Variants in LRRK2 observed in about 807,000 individuals in gnomAD.
LRRK2 encodes the protein leucine-rich repeat serine/threonine-protein kinase 2.
Under a neutral mutation model 302.6 loss-of-function variants are expected in LRRK2, and 203 were observed. That is an observed-to-expected ratio of 0.67 (90% CI 0.60 to 0.75). The LOEUF is 0.75. Among genes scored for constraint, LRRK2 ranks in the 30% least tolerant of loss-of-function variants. The probability of loss-of-function intolerance (pLI) is 0.00; values close to 1 mark genes in which losing one functional copy is unlikely to be tolerated. For missense variants in LRRK2, 2,830 were observed against 2,951.0 expected, an observed-to-expected ratio of 0.96 and a Z score of 0.95; for synonymous variants, 1,066 against 1,031.9, an observed-to-expected ratio of 1.03 and a Z score of -0.63.
intron 2 of LRRK2, 52 bp downstream of exon 2, chr12:40,225,692 A>G (rs1255740144): frequency 4.0e-6 from 6 of 1,486,170 alleles, no homozygotes; most frequent in East Asian, 4.6e-5. Context: ...TTGGAAGGAG[A>G]CGTTTTACTG....
chr12:40,258,024 T>A (rs1054952882), intron 12 of LRRK2, among the ~76,000 whole-genome samples: 1 of 152,148 alleles, frequency 6.6e-6, no homozygotes, highest in African/African-American at 2.4e-5. Flanking sequence ...CTAATTTTGT[T>A]CCTGGTTTTG....
At position 40,257,293 on chromosome 12, in the gene LRRK2, T is replaced by C; in HGVS notation, c.1334T>C (p.Val445Ala). 5.6e-6 allele frequency: 9 copies of C among 1,600,022 alleles called. No individual in the cohort carries two copies. The highest frequency in any genetic ancestry group is 7.7e-6 in the Non-Finnish European group (9 of 1,167,452). ...ILLSKGIHLN[V>A]LELMQKHIHS... ...TTATCAAAAGGAATACACCTGAATG[T>C]TTTGGAGTTAATGCAGAAGCATATA... The change falls in exon 12 of 51, where the codon GTT becomes GCT. Residue 445 changes from valine (V) to alanine (A), a missense_variant. Physicochemically the swap from Val to Ala is moderately conservative, Grantham distance 64. Around this residue, in one of 3 missense-constraint regions of LRRK2, gnomAD observed 2,121 missense variants for 2,148.0 expected, o/e 0.99. Transcript: ENST00000298910.
chr12:40,229,121 G>A (rs1941050447), intron 2 of LRRK2, among the ~76,000 whole-genome samples: 2 of 152,168 alleles, frequency 1.3e-5, no homozygotes, highest in Admixed American at 6.5e-5. Context: ...GATGTAGAAA[G>A]GGGTCTCCTA....
chr12:40,298,799 A>G (rs1166859998), intron 24 of LRRK2, among the ~76,000 whole-genome samples: 1 of 64,802 alleles, frequency 1.5e-5, no homozygotes, highest in Non-Finnish European at 3.3e-5. Flanking sequence ...ATATATATAT[A>G]ATATATGTAT....
In LRRK2 at chr12:40,249,830, T is replaced by G. The variant is rs1942173882; in HGVS notation, c.843T>G (p.Asn281Lys). Residue 281 changes from asparagine to lysine, a missense_variant, in exon 8 of 51, where the codon AAT becomes AAG. Physicochemically the swap from Asn to Lys is moderately conservative, Grantham distance 94. This residue lies in a region of LRRK2 where 2,121 missense variants were observed against 2,148.0 expected (regional missense o/e 0.99). Coordinates refer to ENST00000298910, the MANE Select transcript of LRRK2 (RefSeq NM_198578.4). ...AATGTTTCACTTAACTTTTAGGTAATTTTTTCAATATCCTGGTATTAAACG... is the reference window on the plus strand; with the variant it reads ...AATGTTTCACTTAACTTTTAGGTAAGTTTTTCAATATCCTGGTATTAAACG... The part of the protein sequence containing the change: ...CCLLHRLTLG[N>K]FFNILVLNEV... The G allele has an allele frequency of 1.9e-6, 3 of 1,613,504 alleles. No homozygotes were observed. Among genetic ancestry groups the G allele is most frequent in the Non-Finnish European group, 2.5e-6 (3 of 1,179,652 alleles).
At chr12:40,318,873 T>C (rs1843487088) in intron 33 of LRRK2, among the ~76,000 whole-genome samples, 4 of 152,134 alleles carry the variant, frequency 2.6e-5, no homozygotes, top group African/African-American at 9.7e-5. Flanking sequence ...CAACAGTTTT[T>C]ATTATTTATA....
chr12:40,335,593 A>C (rs1945845482), intron 40 of LRRK2, among the ~76,000 whole-genome samples: 1 of 152,160 alleles, frequency 6.6e-6, no homozygotes, highest in African/African-American at 2.4e-5. Context: ...CTAACCCTGC[A>C]TCCAGAGCAA....
intron 38 of LRRK2, 134 bp from the exon 39 acceptor site, chr12:40,328,226 A>G (rs1352772527): frequency 1.0e-5 from 7 of 695,568 alleles, no homozygotes; most frequent in Non-Finnish European, 1.5e-5. Context: ...GTTAAAGGAG[A>G]TTTGATTCAA....
intron 23 of LRRK2, 142 bp from the exon 24 acceptor site, chr12:40,298,101 A>G (rs1471571191): frequency 1.1e-5 from 9 of 801,652 alleles, no homozygotes; most frequent in Non-Finnish European, 1.8e-5. Context: ...TAGTATACTG[A>G]AATTCTGTTG....
chr12:40,309,162 C>T lies in LRRK2; in HGVS notation c.4246C>T (p.Leu1416Phe). Residue 1416 changes from leucine to phenylalanine, a missense_variant, in exon 30 of 51, where the codon CTT becomes TTT. Transcript: ENST00000298910. Reference sequence around the variant, plus strand: ...TTTTATGACGCAGCGAGCATTGTACCTTGCTGTCTATGACCTCAGCAAGGG... The same window carrying T: ...TTTTATGACGCAGCGAGCATTGTACTTTGCTGTCTATGACCTCAGCAAGGG... ...PHFMTQRALYLAVYDLSKGQA... is the reference protein window; with the variant it reads ...PHFMTQRALYFAVYDLSKGQA... 1 of 1,613,830 alleles carries T rather than the reference C, an allele frequency of 6.2e-7. No homozygotes were observed. Among genetic ancestry groups the T allele is most frequent in the Non-Finnish European group, 8.5e-7 (1 of 1,179,898 alleles).
Position 40,368,165 on chromosome 12 carries a change from C to G in LRRK2, c.*400C>G, listed in dbSNP as rs1224351565. On this transcript the variant is annotated 3_prime_UTR_variant, in exon 51 of 51. Coordinates refer to ENST00000298910, the MANE Select transcript of LRRK2 (RefSeq NM_198578.4). ...ATTGCTTGTCGATTTTTCTAGAAAT[C>G]TGCACGGTATAATGAAAATATTAAG... 1 of 159,228 alleles carries G rather than the reference C, an allele frequency of 6.3e-6. No homozygotes were observed. The highest frequency in any genetic ancestry group is 1.8e-4 in the East Asian group (1 of 5,504). The allele number at this position is 159,228 out of a possible 1,614,324, so 9.9% of individuals were successfully genotyped here. A position where few individuals can be genotyped will look rare whatever the true frequency, so the allele number is the denominator to read the frequency against.
chr12:40,328,687 G>A (rs1945623082), intron 39 of LRRK2, among the ~76,000 whole-genome samples: 1 of 152,180 alleles, frequency 6.6e-6, no homozygotes, highest in Non-Finnish European at 1.5e-5. Flanking sequence ...GTGATACATA[G>A]TGTGTTGTAA....
rs2136814297 is a variant in LRRK2, at chr12:40,308,516, C to T, written c.4009C>T (p.Leu1337Phe). The T allele has an allele frequency of 6.2e-7, 1 of 1,613,892 alleles. No individual in the cohort carries two copies. The highest frequency in any genetic ancestry group is 8.5e-7 in the Non-Finnish European group (1 of 1,179,938). Residue 1337 changes from leucine (L) to phenylalanine (F), a missense_variant, in exon 29 of 51, where the codon CTT becomes TTT. Transcript: ENST00000298910. Reference protein sequence around the residue: ...KKAVPYNRMKLMIVGNTGSGK... With the variant: ...KKAVPYNRMKFMIVGNTGSGK... ...GGCTGTGCCTTATAACCGAATGAAA[C>T]TTATGATTGTGGGAAATACTGGGAG...
intron 3 of LRRK2, among the ~76,000 whole-genome samples, chr12:40,234,257 A>C (rs1024312481): frequency 6.6e-5 from 10 of 152,164 alleles, no homozygotes; most frequent in African/African-American, 2.4e-4. Flanking sequence ...CAATAATGTA[A>C]AGCCAAACAA....
intron 18 of LRRK2, among the ~76,000 whole-genome samples, chr12:40,281,240 T>C (rs968220294): frequency 6.6e-6 from 1 of 152,216 alleles, no homozygotes; most frequent in Non-Finnish European, 1.5e-5. Context: ...TAGGTTCTAA[T>C]GTTATTCCCA....
At chr12:40,307,154 G>A (rs146906071) in intron 28 of LRRK2, among the ~76,000 whole-genome samples, 5,023 of 151,934 alleles carry the variant, frequency 0.033, 233 homozygotes, top group South Asian at 0.12. Flanking sequence ...GGCATCATTT[G>A]CTTTTTGAAG....
chr12:40,230,886 A>T (rs935690012), intron 2 of LRRK2, among the ~76,000 whole-genome samples: 10 of 152,140 alleles, frequency 6.6e-5, no homozygotes, highest in Non-Finnish European at 1.5e-4. Context: ...AGATATACTT[A>T]AAATGCATCT....
chr12:40,276,396 A>G (rs886274663), intron 16 of LRRK2, among the ~76,000 whole-genome samples: 1 of 151,972 alleles, frequency 6.6e-6, no homozygotes, highest in Non-Finnish European at 1.5e-5. Context: ...CCTGGGTTCA[A>G]GCAATTCTCC....
At chr12:40,237,401 C>T (rs1403378705) in intron 4 of LRRK2, among the ~76,000 whole-genome samples, 5 of 151,946 alleles carry the variant, frequency 3.3e-5, no homozygotes, top group Non-Finnish European at 5.9e-5. Context: ...ATGCAAAACA[C>T]AATAGGAATG....
Sources: allele counts gnomAD v4.1 joint callset (sites outside exome capture counted in the v4.1 genomes callset), GRCh38; gene constraint gnomAD v4.1.1; regional missense constraint gnomAD v4.1.1; transcripts MANE v1.5; gene names NCBI Gene and HGNC (gene_info 2026-07-23, HGNC 2026-07-21).